Variants in ACOX1 observed in about 807,000 individuals in gnomAD.
The protein encoded by ACOX1 is peroxisomal acyl-coenzyme A oxidase 1.
Under a neutral mutation model 75.5 loss-of-function variants are expected in ACOX1, and 41 were observed. The ratio of observed to expected loss-of-function variants is 0.54; its 90% CI spans 0.42 to 0.70. The LOEUF is 0.70. Ranked by LOEUF, ACOX1 falls within the 30% of genes least tolerant of loss-of-function variation. The pLI is 0.00. For missense variants in ACOX1, 630 were observed against 837.5 expected, an observed-to-expected ratio of 0.75 and a Z score of 3.06; for synonymous variants, 303 against 298.8, an observed-to-expected ratio of 1.01 and a Z score of -0.15.
intron 2 of ACOX1, among the ~76,000 whole-genome samples, chr17:75,961,117 AC>A (rs1428297286): frequency 6.6e-6 from 1 of 151,386 alleles, no homozygotes; most frequent in African/African-American, 2.4e-5. Flanking sequence ...ACATGGCGAA[AC>A]CCTGTCTCTA....
intron 2 of ACOX1, among the ~76,000 whole-genome samples, chr17:75,976,747 C>T (rs954351494): frequency 6.6e-6 from 1 of 152,080 alleles, no homozygotes; most frequent in African/African-American, 2.4e-5. Context: ...ACCAAAGGCA[C>T]TAGAGGCAGT....
chr17:75,963,888 T>TA (rs56150125), intron 2 of ACOX1, among the ~76,000 whole-genome samples: 9,546 of 134,884 alleles, frequency 0.071, 336 homozygotes, highest in East Asian at 0.1. Context: ...ATTTCAAAAT[T>TA]AAAAAAAAAA....
chr17:75,952,354 TTG>T, intron 7 of ACOX1, among the ~76,000 whole-genome samples: 1 of 152,068 alleles, frequency 6.6e-6, no homozygotes, highest in South Asian at 2.1e-4. Context: ...GAGTGCAGTG[TTG>T]TGATTTCGGC....
chr17:75,967,647 TATATATATACATAC>T (rs1318996292), intron 2 of ACOX1, among the ~76,000 whole-genome samples: 2 of 95,910 alleles, frequency 2.1e-5, no homozygotes, highest in East Asian at 2.3e-4. Context: ...TATATATACG[TATATATATACATAC>T]ATATATATAC....
At chr17:75,956,167 A>T (rs377644993) in intron 4 of ACOX1, among the ~76,000 whole-genome samples, 1 of 152,218 alleles carries the variant, frequency 6.6e-6, no homozygotes, top group Admixed American at 6.5e-5. Flanking sequence ...TCATACATTT[A>T]CGTAGAGAAA....
intron 2 of ACOX1, among the ~76,000 whole-genome samples, chr17:75,967,735 C>CGTATATATATATAT: frequency 7.7e-6 from 1 of 129,176 alleles, no homozygotes; most frequent in Non-Finnish European, 1.7e-5. Flanking sequence ...TATATATATA[C>CGTATATATATATAT]ACGTATATAT....
At chr17:75,968,663 C>G (rs1300800094) in intron 2 of ACOX1, among the ~76,000 whole-genome samples, 4 of 150,446 alleles carry the variant, frequency 2.7e-5, no homozygotes, top group African/African-American at 9.8e-5. Flanking sequence ...TGGCTCATGC[C>G]TGTAATCCCA....
In ACOX1 at chr17:75,949,607, A is replaced by G. The variant is rs372131625; in HGVS notation, c.1479-7T>C. 1.9e-6 allele frequency: 3 copies of G among 1,613,784 alleles called. No homozygotes were observed. Among genetic ancestry groups the G allele is most frequent in the African/African-American group, 2.7e-5 (2 of 74,936 alleles). Reference sequence around the variant, plus strand: ...TGCAGCAATTTCTACTAATCTGTTAAGACATAGATTGGAGGTCTGAGGAAA... The same window carrying G: ...TGCAGCAATTTCTACTAATCTGTTAGGACATAGATTGGAGGTCTGAGGAAA... On this transcript the variant is annotated splice_region_variant and splice_polypyrimidine_tract_variant and intron_variant, in intron 10 of 13. Coordinates refer to ENST00000293217, the MANE Select transcript of ACOX1 (RefSeq NM_004035.7).
chr17:75,948,824 A>G (rs576478366), intron 12 of ACOX1, among the ~76,000 whole-genome samples: 119 of 151,344 alleles, frequency 7.9e-4, no homozygotes, highest in African/African-American at 2.6e-3. Flanking sequence ...TGTTGGGATT[A>G]CAGGCATGAG....
At position 75,952,830 on chromosome 17, in the gene ACOX1, CAAAAA is replaced by C. The variant is rs561945963; in HGVS notation, c.944+616_944+620del. On this transcript the variant is annotated intron_variant, in intron 7 of 13. Coordinates refer to ENST00000293217, the MANE Select transcript of ACOX1 (RefSeq NM_004035.7). Reference sequence around the variant, plus strand: ...TGGGCAACAGAGTGAGAATCCATCTCAAAAAAAAAAAAAAAAGAAAAGAAAATAGA... The same window carrying C: ...TGGGCAACAGAGTGAGAATCCATCTCAAAAAAAAAAAGAAAAGAAAATAGA... Among the ~76,000 whole-genome samples, 312 of 75,154 alleles carry C rather than the reference CAAAAA, an allele frequency of 4.2e-3. 1 individual carries two copies. Among genetic ancestry groups the C allele is most frequent in the African/African-American group, 0.012 (294 of 23,600 alleles). The allele number at this position is 75,154 out of a possible 152,430, so 49.3% of individuals were successfully genotyped here.
chr17:75,962,499 T>C (rs1008870718), intron 2 of ACOX1, among the ~76,000 whole-genome samples: 1 of 152,202 alleles, frequency 6.6e-6, no homozygotes, highest in African/African-American at 2.4e-5. Context: ...TATCATTCTA[T>C]GTGTCTTTGA....
chr17:75,975,577 A>T (rs1330749674), intron 2 of ACOX1, among the ~76,000 whole-genome samples: 1 of 152,256 alleles, frequency 6.6e-6, no homozygotes, highest in Non-Finnish European at 1.5e-5. Context: ...TGTAATCATT[A>T]TAGATTCCAC....
chr17:75,951,560 A>G lies in ACOX1; in HGVS notation c.962T>C (p.Ile321Thr), dbSNP rs765051608. Residue 321 changes from isoleucine to threonine, a missense_variant, in exon 8 of 14, where the codon ATT becomes ACT. By Grantham distance (89) the Ile-to-Thr change is moderately conservative (BLOSUM62 -1). Around this residue, in one of 2 missense-constraint regions of ACOX1, gnomAD observed 390 missense variants for 574.9 expected, o/e 0.68. Transcript: ENST00000293217. ...ATACTGCTGGGTTTGAAAATCCAAA[A>G]TCTGTGGTTCTGGTTCACTACGTGA... ...EIKPGEPEPQ[I>T]LDFQTQQYKL... The G allele has an allele frequency of 6.2e-7, 1 of 1,614,088 alleles. No individual in the cohort carries two copies. Among genetic ancestry groups the G allele is most frequent in the East Asian group, 2.2e-5 (1 of 44,878 alleles).
Position 75,946,793 on chromosome 17 carries a change from G to A in ACOX1, c.1938C>T (p.Val646=), listed in dbSNP as rs773534161. Residue 646 remains valine (V), a splice_region_variant and synonymous_variant, in exon 14 of 14, where the codon GTC becomes GTT. Coordinates refer to ENST00000293217, the MANE Select transcript of ACOX1 (RefSeq NM_004035.7). Reference sequence around the variant, plus strand: ...ACTTCAGGTGCTTGTAAGATTCGTGGACCTGTGGGGAAAGGAGAGAGAAGA... The same window carrying A: ...ACTTCAGGTGCTTGTAAGATTCGTGAACCTGTGGGGAAAGGAGAGAGAAGA... ...AKNSPLNKAE[V]HESYKHLKSL... 6.2e-7 allele frequency: 1 copy of A among 1,613,564 alleles called. No individual in the cohort carries two copies. Among genetic ancestry groups the A allele is most frequent in the Non-Finnish European group, 8.5e-7 (1 of 1,179,536 alleles).
Position 75,950,642 on chromosome 17 carries a change from G to A in ACOX1, c.1298+132C>T. ...CGAAATAAAAACCGTGAGTCAGGAT[G>A]GAAGGCAAAAGTATACCTTTCAGGA... On this transcript the variant is annotated intron_variant, in intron 9 of 13. Transcript: ENST00000293217. This position sits in a 1 kb window ranked among gnomAD's most constrained non-coding sequence, Gnocchi z 4.3. The A allele has an allele frequency of 1.0e-6, 1 of 985,464 alleles. No individual in the cohort carries two copies. The highest frequency in any genetic ancestry group is 1.5e-6 in the Non-Finnish European group (1 of 649,972). The allele number at this position is 985,464 out of a possible 1,614,324, so 61.0% of individuals were successfully genotyped here.
chr17:75,951,699 G>A (rs1021905936), intron 7 of ACOX1, 122 bp from the exon 8 acceptor site: 4 of 958,612 alleles, frequency 4.2e-6, no homozygotes, highest in Non-Finnish European at 6.4e-6. Flanking sequence ...AGGGCACTGT[G>A]AGGTAGTTAC....
At chr17:75,959,364 T>C (rs984918479) in intron 3 of ACOX1, among the ~76,000 whole-genome samples, 7 of 152,154 alleles carry the variant, frequency 4.6e-5, no homozygotes, top group African/African-American at 1.7e-4. Context: ...AAACAAATAG[T>C]ATTCCACTTG....
At chr17:75,947,479 TCAGGTGATCCACCTGCCTCGGCCTCC>T (rs1208227725) in intron 13 of ACOX1, among the ~76,000 whole-genome samples, 1 of 152,080 alleles carries the variant, frequency 6.6e-6, no homozygotes, top group Non-Finnish European at 1.5e-5. Context: ...ACTCCCGACC[TCAGGTGATCCACCTGCCTCGGCCTCC>T]CAGGTGTGCA....
At chr17:75,953,324 C>T in intron 7 of ACOX1, 127 bp downstream of exon 7, 1 of 1,029,344 alleles carries the variant, frequency 9.7e-7, no homozygotes, top group Non-Finnish European at 1.5e-6. Context: ...ATTACAGGCC[C>T]AGTTATCACC....
Sources: allele counts gnomAD v4.1 joint callset (sites outside exome capture counted in the v4.1 genomes callset), GRCh38; gene constraint gnomAD v4.1.1; regional missense constraint gnomAD v4.1.1; non-coding constraint Gnocchi (gnomAD v3.1); transcripts MANE v1.5; gene names NCBI Gene and HGNC (gene_info 2026-07-23, HGNC 2026-07-21).